Variants in TRIM9 observed in about 807,000 individuals in gnomAD.
The protein encoded by TRIM9 is E3 ubiquitin-protein ligase TRIM9.
TRIM9 carries 26 observed loss-of-function variants against 78.3 expected under a neutral mutation model. The ratio of observed to expected loss-of-function variants is 0.33; its 90% CI spans 0.24 to 0.46. The LOEUF (loss-of-function observed/expected upper bound fraction) is 0.46. Among genes scored for constraint, TRIM9 ranks in the 20% least tolerant of loss-of-function variants. TRIM9 has a pLI of 1.00. For missense variants in TRIM9, 787 were observed against 1,036.4 expected, an observed-to-expected ratio of 0.76 and a Z score of 3.30; for synonymous variants, 398 against 416.5, an observed-to-expected ratio of 0.96 and a Z score of 0.54.
chr14:50,996,281 A>G, intron 7 of TRIM9: 1 of 985,418 alleles, frequency 1.0e-6, no homozygotes, highest in Non-Finnish European at 1.2e-6. Flanking sequence ...TTTCATCTAG[A>G]AAATGACCCC....
At chr14:50,988,830 T>A (rs890873411) in intron 7 of TRIM9, among the ~76,000 whole-genome samples, 17 of 152,302 alleles carry the variant, frequency 1.1e-4, no homozygotes, top group African/African-American at 3.4e-4. Flanking sequence ...CTGTAAGTCA[T>A]CTATACCACT....
chr14:50,983,369 G>T lies in TRIM9; in HGVS notation c.1834+11C>A. 6.5e-7 allele frequency: 1 copy of T among 1,532,122 alleles called. No individual in the cohort carries two copies. Among genetic ancestry groups the T allele is most frequent in the South Asian group, 1.2e-5 (1 of 80,908 alleles). 94.9% of individuals were successfully genotyped at this position (1,532,122 alleles called of 1,614,324 possible). A position where few individuals can be genotyped will look rare whatever the true frequency, so the allele number is the denominator to read the frequency against. Reference sequence around the variant, plus strand: ...ACGTAAGTAAAAGATAATTACAATAGGTATACTTGCCTAATTGAGAGTAAG... The same window carrying T: ...ACGTAAGTAAAAGATAATTACAATATGTATACTTGCCTAATTGAGAGTAAG... On this transcript the variant is annotated intron_variant, in intron 9 of 12. Transcript: ENST00000684578.
At chr14:51,025,229 C>T (rs372070122) in intron 2 of TRIM9, 36 bp downstream of exon 2, 28 of 1,568,096 alleles carry the variant, frequency 1.8e-5, no homozygotes, top group East Asian at 1.1e-4. Context: ...ACGTATTAAC[C>T]GGCGGGTTTC....
At chr14:51,082,297 TATATGAATGTTC>T (rs2063372689) in intron 1 of TRIM9, among the ~76,000 whole-genome samples, 1 of 152,208 alleles carries the variant, frequency 6.6e-6, no homozygotes, top group Non-Finnish European at 1.5e-5. Flanking sequence ...TAAAAACTTG[TATATGAATGTTC>T]ATAACAGCAT....
rs2057888574 is a variant in TRIM9, at chr14:51,022,851, T to C, written c.1025A>G (p.His342Arg). Residue 342 changes from histidine to arginine, a missense_variant, in exon 3 of 13, where the codon CAT (histidine) becomes CGT (arginine). This residue lies in a region of TRIM9 where 352 missense variants were observed against 472.3 expected (regional missense o/e 0.75). Transcript: ENST00000684578. ...AQLLARVNKE[H>R]EHKLKVVRDQ... ...AGCACTCACCTTCAGCTTGTGCTCA[T>C]GCTCCTTGTTGACGCGGGCCAGCAG... 2 of 1,614,096 alleles carry C rather than the reference T, an allele frequency of 1.2e-6. No homozygotes were observed. The highest frequency in any genetic ancestry group is 2.7e-5 in the African/African-American group (2 of 74,938).
chr14:50,997,594 TA>T, intron 7 of TRIM9: 1 of 1,007,860 alleles, frequency 9.9e-7, no homozygotes, highest in Non-Finnish European at 1.2e-6. Flanking sequence ...CATTCAGTCA[TA>T]CAAATCCACG....
intron 5 of TRIM9, among the ~76,000 whole-genome samples, chr14:51,006,158 G>A (rs2055770110): frequency 6.6e-6 from 1 of 152,182 alleles, no homozygotes; most frequent in Non-Finnish European, 1.5e-5. Context: ...CATACTTTAA[G>A]TAAATTTGAA....
At chr14:51,094,097 G>T in intron 1 of TRIM9, 21 bp downstream of exon 1, 1 of 1,594,616 alleles carries the variant, frequency 6.3e-7, no homozygotes, top group Non-Finnish European at 8.6e-7. Flanking sequence ...GGAGTTAGGA[G>T]TGGGTTTTCT....
intron 3 of TRIM9, among the ~76,000 whole-genome samples, chr14:51,012,146 A>G (rs1308472286): frequency 1.3e-5 from 2 of 152,184 alleles, no homozygotes; most frequent in African/African-American, 2.4e-5. Context: ...CTTTCACACT[A>G]TTGTGCAACT....
chr14:50,985,855 C>G (rs1409076489), intron 8 of TRIM9, 101 bp downstream of exon 8: 2 of 1,078,284 alleles, frequency 1.9e-6, no homozygotes, highest in African/African-American at 1.6e-5. Flanking sequence ...ACTAGCTCAT[C>G]CCCCTCACCA....
At chr14:51,090,590 G>A (rs1330486379) in intron 1 of TRIM9, 1 of 152,128 alleles carries the variant, frequency 6.6e-6, no homozygotes, top group Non-Finnish European at 1.5e-5. Context: ...ATATGTTACT[G>A]ATTCAGTGAC....
chr14:51,050,853 C>A (rs2060357853), intron 1 of TRIM9, among the ~76,000 whole-genome samples: 1 of 152,114 alleles, frequency 6.6e-6, no homozygotes, highest in African/African-American at 2.4e-5. Flanking sequence ...ACCTTGCCAG[C>A]CACGTGAGTG....
At chr14:50,979,254 C>T (rs1379432755) in intron 12 of TRIM9, 133 bp downstream of exon 12, 2 of 1,536,376 alleles carry the variant, frequency 1.3e-6, no homozygotes, top group East Asian at 2.4e-5. Flanking sequence ...CCTTTCTCTC[C>T]TCCTCTCCTT....
At position 50,977,176 on chromosome 14, in the gene TRIM9, T is replaced by C; in HGVS notation, c.*115A>G. The C allele has an allele frequency of 1.3e-6, 1 of 776,400 alleles. No individual in the cohort carries two copies. Among genetic ancestry groups the C allele is most frequent in the Non-Finnish European group, 1.9e-6 (1 of 535,432 alleles). 48.1% of individuals were successfully genotyped at this position (776,400 alleles called of 1,614,324 possible). A position where few individuals can be genotyped will look rare whatever the true frequency, so the allele number is the denominator to read the frequency against. On this transcript the variant is annotated 3_prime_UTR_variant, in exon 13 of 13. Transcript: ENST00000684578. ...AGACTGCAGAGGACCAGCTTTTCTC[T>C]CCTCCTTCTCCCACTCCTGCCAACT...
At chr14:51,017,336 A>C (rs933138289) in intron 3 of TRIM9, among the ~76,000 whole-genome samples, 3 of 152,214 alleles carry the variant, frequency 2.0e-5, no homozygotes, top group Non-Finnish European at 4.4e-5. Context: ...AATCGAGAAA[A>C]GGATCATTTA....
At chr14:50,982,724 AAACT>A (rs1191594185) in intron 10 of TRIM9, 11 of 513,106 alleles carry the variant, frequency 2.1e-5, no homozygotes, top group African/African-American at 1.9e-4. Flanking sequence ...GCTACTCCTG[AAACT>A]AACACGTCAG....
chr14:51,047,763 G>C (rs948935623), intron 1 of TRIM9, among the ~76,000 whole-genome samples: 1 of 152,154 alleles, frequency 6.6e-6, no homozygotes, highest in Non-Finnish European at 1.5e-5. Context: ...ATGCACCTTA[G>C]AAAACAAGAA....
chr14:51,056,681 C>T (rs867799402), intron 1 of TRIM9, among the ~76,000 whole-genome samples: 6 of 152,332 alleles, frequency 3.9e-5, no homozygotes, highest in Middle Eastern at 3.4e-3. Flanking sequence ...TATTCTTTTG[C>T]TATTCTTAGG....
chr14:51,033,359 G>A (rs142288146), intron 1 of TRIM9, among the ~76,000 whole-genome samples: 2,735 of 152,278 alleles, frequency 0.018, 61 homozygotes, highest in African/African-American at 0.053. Flanking sequence ...CCAAAGTGCT[G>A]GGATTACAGG....
Sources: gnomAD v4.1 joint callset for allele counts (sites outside exome capture counted in the v4.1 genomes callset) on GRCh38, gnomAD v4.1.1 for gene constraint, gnomAD v4.1.1 regional missense constraint, MANE v1.5 for transcripts, NCBI Gene and HGNC (gene_info 2026-07-23, HGNC 2026-07-21) for gene names.